CSMD1: variants seen among roughly 807,000 people sequenced by gnomAD.
The protein encoded by CSMD1 is CUB and sushi domain-containing protein 1.
CSMD1 carries 213 observed loss-of-function variants against 417.5 expected under a neutral mutation model. The observed-to-expected ratio is 0.51, with a 90% CI of 0.46 to 0.57. CSMD1 has a LOEUF of 0.57. Ranked by LOEUF, CSMD1 falls within the 20% of genes least tolerant of loss-of-function variation. The pLI is 0.00. For synonymous variants in CSMD1, 2,862 were observed against 1,736.8 expected, an observed-to-expected ratio of 1.65 and a Z score of -16.11; for missense variants, 6,923 against 4,529.7, an observed-to-expected ratio of 1.53 and a Z score of -15.17.
At chr8:4,733,410 A>T (rs903581722) in intron 1 of CSMD1, among the ~76,000 whole-genome samples, 21 of 152,342 alleles carry the variant, frequency 1.4e-4, no homozygotes, top group African/African-American at 4.6e-4. Flanking sequence ...CATATCTTGG[A>T]AAGAAGGAAA....
At chr8:3,325,379 C>T (rs904538266) in intron 23 of CSMD1, among the ~76,000 whole-genome samples, 1 of 152,180 alleles carries the variant, frequency 6.6e-6, no homozygotes, top group Non-Finnish European at 1.5e-5. Context: ...CATCTGTTGG[C>T]CTTCATTTTA....
At chr8:4,425,890 A>G (rs1032392165) in intron 2 of CSMD1, among the ~76,000 whole-genome samples, 3 of 152,134 alleles carry the variant, frequency 2.0e-5, no homozygotes, top group African/African-American at 7.2e-5. Context: ...AAAATATGAC[A>G]TATGTTACTC....
intron 54 of CSMD1, among the ~76,000 whole-genome samples, chr8:2,983,464 G>C (rs190073767): frequency 7.2e-5 from 11 of 152,308 alleles, no homozygotes; most frequent in East Asian, 1.9e-4. Context: ...GGGATTGCAG[G>C]TGTGAGCCAC....
intron 2 of CSMD1, among the ~76,000 whole-genome samples, chr8:4,516,933 T>A (rs1803158521): frequency 6.6e-6 from 1 of 152,148 alleles, no homozygotes; most frequent in Non-Finnish European, 1.5e-5. Context: ...TGACTCAGAA[T>A]TATTAATTTC....
intron 5 of CSMD1, among the ~76,000 whole-genome samples, chr8:3,898,117 A>G (rs1476451133): frequency 6.6e-6 from 1 of 152,224 alleles, no homozygotes; most frequent in African/African-American, 2.4e-5. Context: ...TTCTCACCAT[A>G]TAGCAGAGTT....
chr8:4,034,608 G>C (rs1324677836), intron 3 of CSMD1, among the ~76,000 whole-genome samples: 2 of 152,120 alleles, frequency 1.3e-5, no homozygotes, highest in Admixed American at 6.5e-5. Flanking sequence ...CATCAGCTGA[G>C]CCGAGAGCTC....
At chr8:3,790,775 G>C (rs1022700777) in intron 5 of CSMD1, among the ~76,000 whole-genome samples, 2 of 152,144 alleles carry the variant, frequency 1.3e-5, no homozygotes, top group African/African-American at 4.8e-5. Context: ...GCTGAGTATA[G>C]TGAGTTTGGG....
At chr8:4,030,083 G>T (rs1231986911) in intron 4 of CSMD1, among the ~76,000 whole-genome samples, 1 of 152,146 alleles carries the variant, frequency 6.6e-6, no homozygotes, top group African/African-American at 2.4e-5. Flanking sequence ...CTTCCCTCCT[G>T]GATGCTTTCA....
intron 5 of CSMD1, among the ~76,000 whole-genome samples, chr8:3,754,804 T>G (rs1000275392): frequency 6.6e-6 from 1 of 152,148 alleles, no homozygotes; most frequent in African/African-American, 2.4e-5. Flanking sequence ...AACAAACTGT[T>G]TCTCATGCTT....
At chr8:3,094,859 TTAC>T (rs1452027447) in intron 47 of CSMD1, among the ~76,000 whole-genome samples, 5 of 150,778 alleles carry the variant, frequency 3.3e-5, no homozygotes, top group African/African-American at 9.7e-5. Flanking sequence ...AACATGACAT[TTAC>T]TGCAACAAAA....
intron 2 of CSMD1, among the ~76,000 whole-genome samples, chr8:4,599,590 A>G (rs1800476508): frequency 6.6e-6 from 1 of 152,172 alleles, no homozygotes; most frequent in South Asian, 2.1e-4. Flanking sequence ...ACGAATATAA[A>G]TGTATACTGT....
intron 5 of CSMD1, among the ~76,000 whole-genome samples, chr8:3,836,246 T>A (rs1055470068): frequency 7.2e-5 from 11 of 152,216 alleles, no homozygotes; most frequent in Non-Finnish European, 1.6e-4. Context: ...TATTTGGTTA[T>A]CTGCTCTTAT....
At chr8:4,111,350 A>G (rs115338670) in intron 3 of CSMD1, among the ~76,000 whole-genome samples, 1 of 152,334 alleles carries the variant, frequency 6.6e-6, no homozygotes, top group African/African-American at 2.4e-5. Flanking sequence ...GACCTTGGGA[A>G]AAGTTTATTG....
chr8:4,587,821 T>G (rs1799781102), intron 2 of CSMD1, among the ~76,000 whole-genome samples: 1 of 152,224 alleles, frequency 6.6e-6, no homozygotes, highest in South Asian at 2.1e-4. Flanking sequence ...TAAAACATTT[T>G]GCCTTTCCAC....
intron 1 of CSMD1, among the ~76,000 whole-genome samples, chr8:4,658,650 A>C (rs1265290336): frequency 6.6e-6 from 1 of 152,194 alleles, no homozygotes; most frequent in African/African-American, 2.4e-5. Context: ...TTCGGAAAGT[A>C]AAGCAATGCC....
chr8:3,810,077 G>T (rs1002113735), intron 5 of CSMD1, among the ~76,000 whole-genome samples: 2 of 152,116 alleles, frequency 1.3e-5, no homozygotes, highest in African/African-American at 4.8e-5. Context: ...TATCATGCTT[G>T]TCACATTTAA....
intron 3 of CSMD1, among the ~76,000 whole-genome samples, chr8:4,064,018 A>G (rs1352404008): frequency 6.6e-6 from 1 of 152,222 alleles, no homozygotes; most frequent in Non-Finnish European, 1.5e-5. Flanking sequence ...AAGAAGCCTC[A>G]GATGCTCAAC....
intron 7 of CSMD1, among the ~76,000 whole-genome samples, chr8:3,703,529 G>C (rs914048012): frequency 6.6e-6 from 1 of 152,098 alleles, no homozygotes; most frequent in African/African-American, 2.4e-5. Context: ...CAGGGGATGA[G>C]GAGGTATGGT....
intron 3 of CSMD1, among the ~76,000 whole-genome samples, chr8:4,197,109 G>A (rs149364146): frequency 6.6e-6 from 1 of 152,282 alleles, no homozygotes; most frequent in East Asian, 1.9e-4. Flanking sequence ...ACAATGCAAA[G>A]TGTGTCCTCA....
Sources: gnomAD v4.1 joint callset for allele counts (sites outside exome capture counted in the v4.1 genomes callset) on GRCh38, gnomAD v4.1.1 for gene constraint, MANE v1.5 for transcripts, NCBI Gene and HGNC (gene_info 2026-07-23, HGNC 2026-07-21) for gene names.